Variants in GAD2 observed in about 807,000 individuals in gnomAD.
The protein encoded by GAD2 is 65 kDa glutamic acid decarboxylase.
A neutral mutation model predicts 80.1 loss-of-function variants in GAD2; 22 were observed. The observed-to-expected ratio is 0.27, with a 90% CI of 0.20 to 0.39. The LOEUF (loss-of-function observed/expected upper bound fraction) is 0.39. Among genes scored for constraint, GAD2 ranks in the 10% least tolerant of loss-of-function variants. GAD2 has a pLI of 1.00. For missense variants in GAD2, 624 were observed against 738.4 expected, an observed-to-expected ratio of 0.85 and a Z score of 1.80; for synonymous variants, 274 against 256.9, an observed-to-expected ratio of 1.07 and a Z score of -0.64.
In GAD2 at chr10:26,234,944, C is replaced by T. The variant is rs538085361; in HGVS notation, c.840+5167C>T. ...CTAGAGTGCAGTGGCGCCATCTCAG[C>T]TCACTGCAATCTCTGCCTCCCTGGT... On this transcript the variant is annotated intron_variant, in intron 7 of 15. Transcript: ENST00000376261. Among the ~76,000 whole-genome samples the T allele has an allele frequency of 2.0e-5, 3 of 152,292 alleles. No individual in the cohort carries two copies. The East Asian group carries it at 5.8e-4, about 29-fold the overall frequency.
intron 10 of GAD2, among the ~76,000 whole-genome samples, 167 bp downstream of exon 10, chr10:26,270,923 C>T (rs1845129485): frequency 6.6e-6 from 1 of 152,196 alleles, no homozygotes; most frequent in Non-Finnish European, 1.5e-5. Context: ...ACAACTCACA[C>T]AGTACACACC....
chr10:26,259,329 G>C (rs548645485), intron 8 of GAD2, among the ~76,000 whole-genome samples: 32 of 152,170 alleles, frequency 2.1e-4, no homozygotes, highest in African/African-American at 7.0e-4. Context: ...CAGTACACAG[G>C]GTTCCAATTT....
intron 13 of GAD2, 31 bp from the exon 14 acceptor site, chr10:26,292,434 G>A: frequency 6.5e-7 from 1 of 1,541,162 alleles, no homozygotes; most frequent in Non-Finnish European, 9.0e-7. Flanking sequence ...CTCTTAGCCT[G>A]CTTAATGAGC....
At chr10:26,259,315 C>T (rs1844981592) in intron 8 of GAD2, among the ~76,000 whole-genome samples, 1 of 152,174 alleles carries the variant, frequency 6.6e-6, no homozygotes, top group African/African-American at 2.4e-5. Flanking sequence ...TACATTCCTG[C>T]CAGCAGTACA....
At chr10:26,231,368 G>A (rs1311499068) in intron 7 of GAD2, among the ~76,000 whole-genome samples, 1 of 152,152 alleles carries the variant, frequency 6.6e-6, no homozygotes, top group Non-Finnish European at 1.5e-5. Flanking sequence ...ATGTGTGTGT[G>A]TCTGTCTCTG....
chr10:26,292,709 C>G (rs1834230171), intron 14 of GAD2, 137 bp downstream of exon 14: 1 of 861,628 alleles, frequency 1.2e-6, no homozygotes, highest in African/African-American at 1.7e-5. Flanking sequence ...GTAGCTATTC[C>G]AAGCTGGAAT....
chr10:26,252,543 A>T (rs568662097), intron 8 of GAD2, among the ~76,000 whole-genome samples: 1 of 151,862 alleles, frequency 6.6e-6, no homozygotes, highest in South Asian at 2.1e-4. Context: ...GGATCTTATC[A>T]TGTCACCATG....
At chr10:26,216,474 A>C (rs1844370640), upstream of GAD2, 1 of 196,908 alleles carries the variant, frequency 5.1e-6, no homozygotes, top group African/African-American at 2.4e-5. This position sits in a 1 kb window ranked among gnomAD's most constrained non-coding sequence, Gnocchi z 4.7. Flanking sequence ...ATTCATCCCC[A>C]CTGGGCTCCC....
intron 11 of GAD2, among the ~76,000 whole-genome samples, chr10:26,279,393 A>G (rs1845247602): frequency 6.6e-6 from 1 of 152,222 alleles, no homozygotes; most frequent in African/African-American, 2.4e-5. Flanking sequence ...AACAAAAGTT[A>G]ATCTGGCCTG....
At chr10:26,228,247 C>G (rs1319912406) in intron 6 of GAD2, among the ~76,000 whole-genome samples, 1 of 152,234 alleles carries the variant, frequency 6.6e-6, no homozygotes, top group Non-Finnish European at 1.5e-5. Flanking sequence ...AACTTCCCAA[C>G]AGCCCTGCAT....
At chr10:26,230,933 C>T (rs1159035208) in intron 7 of GAD2, among the ~76,000 whole-genome samples, 1 of 151,802 alleles carries the variant, frequency 6.6e-6, no homozygotes, top group Non-Finnish European at 1.5e-5. Flanking sequence ...ACTAAAAATA[C>T]AAAAAAATTA....
chr10:26,288,442 C>G (rs1176511648), intron 13 of GAD2, among the ~76,000 whole-genome samples: 1 of 152,144 alleles, frequency 6.6e-6, no homozygotes, highest in African/African-American at 2.4e-5. Context: ...AAATTGACAG[C>G]CCAACAAGGA....
At chr10:26,247,919 GAAA>G (rs57365924) in intron 8 of GAD2, among the ~76,000 whole-genome samples, 1 of 130,952 alleles carries the variant, frequency 7.6e-6, no homozygotes, top group Non-Finnish European at 1.6e-5. Flanking sequence ...AAAAGGAAAA[GAAA>G]AAAAAAAAAG....
chr10:26,273,251 C>T (rs1242895162), intron 10 of GAD2, among the ~76,000 whole-genome samples: 1 of 152,234 alleles, frequency 6.6e-6, no homozygotes, highest in Non-Finnish European at 1.5e-5. Context: ...AGAGTTTTCC[C>T]TGCAACTTGG....
intron 8 of GAD2, among the ~76,000 whole-genome samples, chr10:26,265,081 T>G (rs114087634): frequency 3.8e-4 from 58 of 152,296 alleles, no homozygotes; most frequent in African/African-American, 1.4e-3. Context: ...CAAGGTACAT[T>G]CTGTGTCTTT....
At chr10:26,292,769 C>T (rs1461873743) in intron 14 of GAD2, 133 bp from the exon 15 acceptor site, 11 of 886,596 alleles carry the variant, frequency 1.2e-5, no homozygotes, top group Non-Finnish European at 2.0e-5. Flanking sequence ...AAATCATGCC[C>T]TCCAATGGCA....
At chr10:26,265,788 C>T (rs935046562) in intron 8 of GAD2, among the ~76,000 whole-genome samples, 24 of 152,220 alleles carry the variant, frequency 1.6e-4, no homozygotes, top group African/African-American at 3.9e-4. Flanking sequence ...AGGCACCAGG[C>T]GATGCTTGTG....
chr10:26,282,399 T>G (rs1029525029), intron 12 of GAD2, among the ~76,000 whole-genome samples: 4 of 152,138 alleles, frequency 2.6e-5, no homozygotes, highest in South Asian at 4.1e-4. Context: ...TTACCATTTT[T>G]AATATTTTCT....
Position 26,291,321 on chromosome 10 carries a change from C to T in GAD2, c.1387-1144C>T, listed in dbSNP as rs182764243. Among the ~76,000 whole-genome samples, 375 of 152,294 alleles carry T rather than the reference C, an allele frequency of 2.5e-3. 2 individuals are homozygous for T. Among genetic ancestry groups the T allele is most frequent in the Non-Finnish European group, 3.8e-3 (256 of 68,024 alleles). The stretch of plus-strand genomic sequence containing the variant: ...TTAGCACCCATAGATGCAGAGAGCT[C>T]CTGGTATGGGTGCTGGCCAAGCATC... On this transcript the variant is annotated intron_variant, in intron 13 of 15. Transcript: ENST00000376261.
Sources: allele counts gnomAD v4.1 joint callset (sites outside exome capture counted in the v4.1 genomes callset), GRCh38; gene constraint gnomAD v4.1.1; non-coding constraint Gnocchi (gnomAD v3.1); transcripts MANE v1.5; gene names NCBI Gene and HGNC (gene_info 2026-07-23, HGNC 2026-07-21).